Variants in NPAS3 observed in about 807,000 individuals in gnomAD.
NPAS3 encodes neuronal PAS domain-containing protein 3.
A neutral mutation model predicts 73.1 loss-of-function variants in NPAS3; 14 were observed. That is an observed-to-expected ratio of 0.19 (90% CI 0.13 to 0.30). NPAS3 has a LOEUF of 0.30. Ranked by LOEUF, NPAS3 falls within the 10% of genes least tolerant of loss-of-function variation. NPAS3 has a pLI of 1.00. For missense variants in NPAS3, 1,096 were observed against 1,250.0 expected, an observed-to-expected ratio of 0.88 and a Z score of 1.86; for synonymous variants, 620 against 541.5, an observed-to-expected ratio of 1.14 and a Z score of -2.01.
At chr14:32,961,714 T>G (rs1342435416) in intron 1 of NPAS3, among the ~76,000 whole-genome samples, 2 of 152,154 alleles carry the variant, frequency 1.3e-5, no homozygotes, top group East Asian at 1.9e-4. Context: ...TTTACATACA[T>G]TATCTCATTT....
chr14:32,965,952 G>A (rs545311522), intron 1 of NPAS3, among the ~76,000 whole-genome samples: 4 of 152,102 alleles, frequency 2.6e-5, no homozygotes, highest in African/African-American at 4.8e-5. Flanking sequence ...AATCAATCAC[G>A]TTTACAATAG....
intron 9 of NPAS3, among the ~76,000 whole-genome samples, chr14:33,783,290 T>C (rs556668151): frequency 6.6e-6 from 1 of 152,216 alleles, no homozygotes; most frequent in Non-Finnish European, 1.5e-5. Context: ...ACGGGGGACT[T>C]TTTTCTGTTT....
At chr14:33,563,067 G>T (rs989836955) in intron 5 of NPAS3, among the ~76,000 whole-genome samples, 4 of 152,152 alleles carry the variant, frequency 2.6e-5, no homozygotes, top group Non-Finnish European at 4.4e-5. Context: ...TAAAGACAAT[G>T]TGTAACTCTG....
intron 4 of NPAS3, among the ~76,000 whole-genome samples, chr14:33,559,876 G>A (rs2055553513): frequency 6.6e-6 from 1 of 152,138 alleles, no homozygotes; most frequent in South Asian, 2.1e-4. Context: ...AAAATTAGCT[G>A]GGCATGGTGG....
intron 6 of NPAS3, among the ~76,000 whole-genome samples, chr14:33,685,405 A>G (rs1221573008): frequency 6.6e-6 from 1 of 152,200 alleles, no homozygotes; most frequent in Non-Finnish European, 1.5e-5. Flanking sequence ...GCCCAAACAT[A>G]TCAAGACCAT....
intron 3 of NPAS3, among the ~76,000 whole-genome samples, chr14:33,308,527 T>TATATATATATACACACACACACACAC: frequency 9.6e-5 from 10 of 103,724 alleles, no homozygotes; most frequent in African/African-American, 3.2e-4. Flanking sequence ...TATATATATA[T>TATATATATATACACACACACACACAC]ACATACACAC....
chr14:33,060,525 G>A (rs1035580130), intron 2 of NPAS3, among the ~76,000 whole-genome samples: 1 of 152,214 alleles, frequency 6.6e-6, no homozygotes, highest in Admixed American at 6.5e-5. Flanking sequence ...GATTTAGACA[G>A]TTGTCATTGA....
At chr14:33,085,524 C>T (rs8004296) in intron 2 of NPAS3, among the ~76,000 whole-genome samples, 2,875 of 152,252 alleles carry the variant, frequency 0.019, 86 homozygotes, top group African/African-American at 0.066. Flanking sequence ...TCTCTCTTCT[C>T]GTAGAATGAT....
At chr14:33,737,448 C>T (rs541119463) in intron 7 of NPAS3, among the ~76,000 whole-genome samples, 2 of 152,104 alleles carry the variant, frequency 1.3e-5, no homozygotes, top group Non-Finnish European at 2.9e-5. Flanking sequence ...CAGATCCCAT[C>T]GAATCATGCA....
chr14:33,109,325 A>G (rs1478756816), intron 2 of NPAS3, among the ~76,000 whole-genome samples: 3 of 152,162 alleles, frequency 2.0e-5, no homozygotes, highest in Non-Finnish European at 4.4e-5. Context: ...GATACTACTA[A>G]GCTTACAGGG....
chr14:33,586,049 C>T (rs1440321939), intron 5 of NPAS3: 4 of 151,930 alleles, frequency 2.6e-5, no homozygotes, highest in African/African-American at 9.7e-5. Context: ...GGTTATGAGG[C>T]ACCTAGCAAG....
rs5807694 is a variant in NPAS3 at position 32,946,346 on chromosome 14, G to GCACACA, written c.50+6981_50+6982insACACAC. 2.1e-3 allele frequency among the ~76,000 whole-genome samples: 275 copies of GCACACA among 131,960 alleles called. 2 individuals are homozygous for GCACACA. Among genetic ancestry groups the GCACACA allele is most frequent in the East Asian group, 0.019 (60 of 3,194 alleles). 86.6% of individuals were successfully genotyped at this position (131,960 alleles called of 152,430 possible). ...CCCCATCCCCCCAACACACACACACGCGCACACACACACACACACACACAC... is the reference window on the plus strand; with the variant it reads ...CCCCATCCCCCCAACACACACACACGCACACACGCACACACACACACACACACACAC... On this transcript the variant is annotated intron_variant, in intron 1 of 11. Coordinates refer to ENST00000356141, the Ensembl canonical transcript of NPAS3.
Position 33,742,970 on chromosome 14 carries a change from C to G in NPAS3, c.852+7638C>G, listed in dbSNP as rs771645702. Reference sequence around the variant, plus strand: ...AGCAATTCAGTCACATCCTCAAGCTCTACTTCTGATTCTAATTCTCTTGCC... The same window carrying G: ...AGCAATTCAGTCACATCCTCAAGCTGTACTTCTGATTCTAATTCTCTTGCC... On this transcript the variant is annotated intron_variant, in intron 7 of 11. Coordinates refer to ENST00000356141, the Ensembl canonical transcript of NPAS3. Among the ~76,000 whole-genome samples the G allele has an allele frequency of 1.9e-4, 29 of 151,568 alleles. 1 individual carries two copies. Among genetic ancestry groups the G allele is most frequent in the Admixed American group, 1.8e-3 (28 of 15,260 alleles).
intron 2 of NPAS3, among the ~76,000 whole-genome samples, chr14:33,207,501 T>C (rs1339215020): frequency 6.6e-6 from 1 of 152,164 alleles, no homozygotes; most frequent in East Asian, 1.9e-4. Flanking sequence ...GTACAATATT[T>C]TACCCTTGTT....
At chr14:33,781,990 G>A (rs957831454) in intron 9 of NPAS3, among the ~76,000 whole-genome samples, 11 of 152,098 alleles carry the variant, frequency 7.2e-5, no homozygotes, top group African/African-American at 2.7e-4. Flanking sequence ...ATAGTTCACT[G>A]GATTTCAACA....
intron 3 of NPAS3, among the ~76,000 whole-genome samples, chr14:33,358,181 G>A (rs1166302206): frequency 2.6e-5 from 4 of 152,218 alleles, no homozygotes. Flanking sequence ...ACGGTGCCAA[G>A]CCAGATGCTG....
At chr14:33,534,619 T>C (rs757437186) in intron 4 of NPAS3, among the ~76,000 whole-genome samples, 2 of 152,196 alleles carry the variant, frequency 1.3e-5, no homozygotes, top group East Asian at 3.8e-4. Context: ...TATATATGTA[T>C]AGTTGGAATC....
chr14:33,775,984 G>A (rs1288179020), intron 8 of NPAS3, among the ~76,000 whole-genome samples: 1 of 152,214 alleles, frequency 6.6e-6, no homozygotes, highest in Non-Finnish European at 1.5e-5. Flanking sequence ...TCAGCTAAGA[G>A]AGAAACGTTG....
intron 5 of NPAS3, among the ~76,000 whole-genome samples, chr14:33,650,832 G>A (rs555719781): frequency 3.9e-5 from 6 of 152,292 alleles, no homozygotes; most frequent in Non-Finnish European, 7.3e-5. Context: ...CTCTCGTGGT[G>A]AGCCCCTCAA....
Sources: gnomAD v4.1 joint callset for allele counts (sites outside exome capture counted in the v4.1 genomes callset) on GRCh38, gnomAD v4.1.1 for gene constraint, MANE v1.5 for transcripts, NCBI Gene and HGNC (gene_info 2026-07-23, HGNC 2026-07-21) for gene names.